NDST4: variants seen among roughly 807,000 people sequenced by gnomAD.
NDST4 encodes the protein N-deacetylase and N-sulfotransferase 4.
In NDST4, 63 loss-of-function variants were observed where a neutral mutation model predicts 100.8. The observed-to-expected ratio is 0.62, with a 90% CI of 0.51 to 0.77. The LOEUF (loss-of-function observed/expected upper bound fraction) is 0.77, where lower values mean the gene tolerates loss of function less well. NDST4 is among the 30% of genes least tolerant of loss of function. The probability of loss-of-function intolerance (pLI) is 0.00; values close to 1 mark genes in which losing one functional copy is unlikely to be tolerated. For missense variants in NDST4, 943 were observed against 1,018.4 expected (o/e 0.93, Z 1.01); for synonymous variants, 377 against 361.8 (o/e 1.04, Z -0.48).
At chr4:114,850,836 A>T (rs1385579521) in intron 8 of NDST4, among the ~76,000 whole-genome samples, 2 of 152,144 alleles carry the variant, frequency 1.3e-5, no homozygotes, top group African/African-American at 4.8e-5. Flanking sequence ...CCAGAATTTG[A>T]CTCTGAATGA....
intron 4 of NDST4, among the ~76,000 whole-genome samples, chr4:114,962,334 A>ATAAAG (rs1237194530): frequency 1.3e-5 from 2 of 152,034 alleles, no homozygotes; most frequent in Admixed American, 6.5e-5. Flanking sequence ...ATAAAATAAA[A>ATAAAG]TATAGCCAGA....
intron 2 of NDST4, among the ~76,000 whole-genome samples, chr4:114,990,439 C>T (rs1727012294): frequency 6.6e-6 from 1 of 152,002 alleles, no homozygotes. Flanking sequence ...TAAATAAGCT[C>T]TTAAGGAATC....
At chr4:114,961,428 A>G (rs533547198) in intron 4 of NDST4, among the ~76,000 whole-genome samples, 13 of 152,072 alleles carry the variant, frequency 8.5e-5, no homozygotes, top group Non-Finnish European at 1.8e-4. Flanking sequence ...ATTTGACATG[A>G]TCAACTAAAT....
intron 3 of NDST4, among the ~76,000 whole-genome samples, chr4:114,971,689 T>A (rs1004740920): frequency 1.1e-4 from 17 of 152,096 alleles, no homozygotes; most frequent in African/African-American, 4.1e-4. Context: ...TATTTTTATT[T>A]TTTACTTAAA....
chr4:114,889,910 G>A (rs1268453359), intron 6 of NDST4, among the ~76,000 whole-genome samples: 4 of 152,076 alleles, frequency 2.6e-5, no homozygotes, highest in Non-Finnish European at 5.9e-5. Flanking sequence ...GAAAGTACTT[G>A]GTTCACAATG....
At chr4:115,040,632 C>T (rs1055455879) in intron 2 of NDST4, among the ~76,000 whole-genome samples, 1 of 151,912 alleles carries the variant, frequency 6.6e-6, no homozygotes, top group African/African-American at 2.4e-5. Flanking sequence ...ATGAGCATCC[C>T]TACAGCACAG....
intron 2 of NDST4, among the ~76,000 whole-genome samples, chr4:114,982,948 C>T (rs1044359922): frequency 7.2e-5 from 11 of 152,298 alleles, no homozygotes; most frequent in South Asian, 6.2e-4. Flanking sequence ...GTACAGCTCA[C>T]GTTGTGGCTT....
intron 7 of NDST4, 45 bp downstream of exon 7, chr4:114,870,723 G>T (rs1724129263): frequency 2.0e-6 from 3 of 1,501,912 alleles, no homozygotes; most frequent in African/African-American, 1.4e-5. Flanking sequence ...CTCACAAATT[G>T]CTAGTTTCTT....
At chr4:114,939,253 A>G (rs538664929) in intron 4 of NDST4, among the ~76,000 whole-genome samples, 1 of 152,266 alleles carries the variant, frequency 6.6e-6, no homozygotes, top group African/African-American at 2.4e-5. Context: ...TTCATGAGAA[A>G]AATCTAGAGA....
At chr4:114,875,298 C>G (rs529311761) in intron 6 of NDST4, among the ~76,000 whole-genome samples, 2 of 152,254 alleles carry the variant, frequency 1.3e-5, no homozygotes, top group South Asian at 4.1e-4. Flanking sequence ...TAAAACAAGT[C>G]TAAACTTTCT....
At chr4:114,912,402 C>T (rs573512379) in intron 6 of NDST4, among the ~76,000 whole-genome samples, 2 of 152,086 alleles carry the variant, frequency 1.3e-5, no homozygotes, top group African/African-American at 2.4e-5. Flanking sequence ...ATGGAGACTT[C>T]GTAAATGTCA....
chr4:114,849,714 A>G (rs1185828447), intron 8 of NDST4, among the ~76,000 whole-genome samples: 1 of 152,242 alleles, frequency 6.6e-6, no homozygotes, highest in Non-Finnish European at 1.5e-5. Flanking sequence ...CCCTAGGGAT[A>G]TGTAATTACT....
rs1180531725 is a variant in NDST4, at chr4:114,839,465, G to A, written c.2199C>T (p.Asp733=). Residue 733 remains aspartate (D), a synonymous_variant, in exon 11 of 14, where the codon GAC becomes GAT. Transcript: ENST00000264363. ...GGCATCTTCTCTGCAAAGTTTTTAA[G>A]TCAGATGGAGCCCAATGTCCTGTTG... ...VISTGHWAPS[D]LKTLQRRCLV... 8 of 1,613,900 alleles carry A rather than the reference G, an allele frequency of 5.0e-6. No individual in the cohort carries two copies. The highest frequency in any genetic ancestry group is 2.2e-5 in the East Asian group (1 of 44,868).
chr4:115,086,630 C>G (rs1729415250), intron 1 of NDST4, among the ~76,000 whole-genome samples: 1 of 152,034 alleles, frequency 6.6e-6, no homozygotes, highest in Non-Finnish European at 1.5e-5. Context: ...TACATTCATA[C>G]TTCAAAAGAT....
At chr4:114,892,563 C>A (rs776065463) in intron 6 of NDST4, among the ~76,000 whole-genome samples, 1 of 152,030 alleles carries the variant, frequency 6.6e-6, no homozygotes, top group Non-Finnish European at 1.5e-5. Flanking sequence ...TACCATAATA[C>A]AAGCAAACTA....
intron 2 of NDST4, among the ~76,000 whole-genome samples, chr4:115,050,353 A>G (rs1279485093): frequency 6.6e-6 from 1 of 152,090 alleles, no homozygotes; most frequent in Non-Finnish European, 1.5e-5. Flanking sequence ...TATATAATCA[A>G]TCATAAATTA....
chr4:115,064,311 A>G (rs938327894), intron 2 of NDST4, among the ~76,000 whole-genome samples: 1 of 152,018 alleles, frequency 6.6e-6, no homozygotes, highest in Non-Finnish European at 1.5e-5. Context: ...CATAAAACTA[A>G]ATAAAATTGT....
At chr4:114,989,889 T>G (rs1726998649) in intron 2 of NDST4, among the ~76,000 whole-genome samples, 1 of 152,194 alleles carries the variant, frequency 6.6e-6, no homozygotes. Flanking sequence ...ATGTATCAGA[T>G]GAACACTGTT....
chr4:114,986,830 A>ATATATATATATATATATTTATTTATT (rs1553959396), intron 2 of NDST4, among the ~76,000 whole-genome samples: 10 of 91,964 alleles, frequency 1.1e-4, no homozygotes, highest in African/African-American at 3.9e-4. Context: ...ATATATATAT[A>ATATATATATATATATATTTATTTATT]TATTTTAATA....
Sources: gnomAD v4.1 joint callset for allele counts (sites outside exome capture counted in the v4.1 genomes callset) on GRCh38, gnomAD v4.1.1 for gene constraint, MANE v1.5 for transcripts, NCBI Gene and HGNC (gene_info 2026-07-23, HGNC 2026-07-21) for gene names.